PTPRU: variants seen among roughly 807,000 people sequenced by gnomAD.
PTPRU encodes the protein receptor-type tyrosine-protein phosphatase U.
Under a neutral mutation model 166.3 loss-of-function variants are expected in PTPRU, and 69 were observed. The ratio of observed to expected loss-of-function variants is 0.41; its 90% CI spans 0.34 to 0.51. PTPRU has a LOEUF of 0.51. PTPRU is among the 20% of genes least tolerant of loss of function. The probability of loss-of-function intolerance (pLI) is 0.09; values close to 1 mark genes in which losing one functional copy is unlikely to be tolerated. For synonymous variants in PTPRU, 793 were observed against 814.0 expected (o/e 0.97, Z 0.44); for missense variants, 1,657 against 2,013.7 (o/e 0.82, Z 3.39).
rs962732728 is a variant in PTPRU, at chr1:29,320,451, C to T, written c.3688-234C>T. On this transcript the variant is annotated intron_variant, in intron 25 of 29. Transcript: ENST00000373779. This position sits in a 1 kb window ranked among gnomAD's most constrained non-coding sequence, Gnocchi z 5.2. ...CTCGCCATACCTTTGGAAACTTTTG[C>T]TGTTTAGTTCTGGGGGGTCATGGGC... The T allele has an allele frequency of 3.2e-5, 13 of 402,644 alleles. No individual in the cohort carries two copies. The highest frequency in any genetic ancestry group is 8.6e-5 in the Admixed American group (2 of 23,328). 24.9% of individuals were successfully genotyped at this position (402,644 alleles called of 1,614,324 possible).
intron 13 of PTPRU, 112 bp downstream of exon 13, chr1:29,284,088 G>T: frequency 7.3e-7 from 1 of 1,361,304 alleles, no homozygotes; most frequent in Non-Finnish European, 1.0e-6. Flanking sequence ...GGGTGGTTGG[G>T]CAGTCCTGGG....
rs1310482041 is a variant in PTPRU at position 29,282,880 on chromosome 1, C to T, written c.2073C>T (p.Phe691=). The change falls in exon 12 of 30, where the codon TTC becomes TTT. Residue 691 remains phenylalanine, a synonymous_variant. Transcript: ENST00000373779. ...GTGACAACCAGACCTACCGAGGCTT[C>T]TGGAACCCACCACTTGAGCCTAGGA... The part of the protein sequence containing the change: ...TVGDNQTYRG[F]WNPPLEPRKA... 4 of 1,614,006 alleles carry T rather than the reference C, an allele frequency of 2.5e-6. No homozygotes were observed. Among genetic ancestry groups the T allele is most frequent in the Non-Finnish European group, 3.4e-6 (4 of 1,180,002 alleles).
In PTPRU at chr1:29,257,179, AGG is replaced by A. The variant is rs1293162412; in HGVS notation, c.206-1324_206-1323del. Among the ~76,000 whole-genome samples, 2 of 151,726 alleles carry A rather than the reference AGG, an allele frequency of 1.3e-5. No individual in the cohort carries two copies. Among genetic ancestry groups the A allele is most frequent in the Non-Finnish European group, 2.9e-5 (2 of 67,894 alleles). On this transcript the variant is annotated intron_variant, in intron 2 of 29. Coordinates refer to ENST00000373779, the MANE Select transcript of PTPRU (RefSeq NM_133178.4). The surrounding 1 kb of genome is among the most constrained non-coding windows in gnomAD (Gnocchi z 4.6). ...AAAGAACAAAGTGTCAGATTGGAAG[AGG>A]GAGAAAGATGCACACAGCTGCTCGC...
Position 29,284,743 on chromosome 1 carries a change from A to C in PTPRU, c.2192A>C (p.Glu731Ala). ...TTGTTCTCCCCAGCTGCCTGCAAGG[A>C]AAGCAAGCGGCCCCTGGAGGTGTCC... ...IRIARKAACK[E>A]SKRPLEVSQR... The change falls in exon 14 of 30, where the codon GAA becomes GCA. Residue 731 changes from glutamate (E) to alanine (A), a missense_variant. By Grantham distance (107) the Glu-to-Ala change is moderately radical. Coordinates refer to ENST00000373779, the MANE Select transcript of PTPRU (RefSeq NM_133178.4). 1 of 1,614,094 alleles carries C rather than the reference A, an allele frequency of 6.2e-7. No individual in the cohort carries two copies.
chr1:29,250,201 C>T (rs1684488776), intron 1 of PTPRU, among the ~76,000 whole-genome samples: 1 of 152,128 alleles, frequency 6.6e-6, no homozygotes, highest in Non-Finnish European at 1.5e-5. Flanking sequence ...CTCATTCCCT[C>T]TTCCTCACCC....
intron 1 of PTPRU, among the ~76,000 whole-genome samples, chr1:29,249,968 C>T (rs1684477981): frequency 1.3e-5 from 2 of 152,330 alleles, no homozygotes; most frequent in East Asian, 3.9e-4. Flanking sequence ...GTCATAGCTC[C>T]CATGGCTTTA....
intron 2 of PTPRU, among the ~76,000 whole-genome samples, chr1:29,258,295 G>C (rs1268070945): frequency 6.6e-6 from 1 of 152,210 alleles, no homozygotes; most frequent in Non-Finnish European, 1.5e-5. Flanking sequence ...TCAGGTTTGT[G>C]TGTTTTTTAC....
At chr1:29,303,497 G>T (rs947443193) in intron 15 of PTPRU, among the ~76,000 whole-genome samples, 1 of 152,232 alleles carries the variant, frequency 6.6e-6, no homozygotes, top group Admixed American at 6.5e-5. Flanking sequence ...TCTGGAAGAG[G>T]GGGAGGAAGA....
intron 1 of PTPRU, among the ~76,000 whole-genome samples, chr1:29,246,549 G>A (rs1443298087): frequency 1.3e-5 from 2 of 152,186 alleles, no homozygotes; most frequent in Non-Finnish European, 2.9e-5. Context: ...TCACTGTTGG[G>A]TTGTGTGCAC....
At chr1:29,298,641 G>A (rs1326569182) in intron 15 of PTPRU, among the ~76,000 whole-genome samples, 3 of 152,148 alleles carry the variant, frequency 2.0e-5, no homozygotes, top group African/African-American at 7.2e-5. Flanking sequence ...ACTCCTGTGG[G>A]TGCCAGTCGG....
rs962814172 is a variant in PTPRU at position 29,257,141 on chromosome 1, C to CAGG, written c.206-1353_206-1351dup. On this transcript the variant is annotated intron_variant, in intron 2 of 29. Coordinates refer to ENST00000373779, the MANE Select transcript of PTPRU (RefSeq NM_133178.4). This position sits in a 1 kb window ranked among gnomAD's most constrained non-coding sequence, Gnocchi z 4.6. ...TGAGCCGAGGAGGAGGCAGAGGGAGCAGGAGGAGGAGGAAAGAACAAAGTG... is the reference window on the plus strand; with the variant it reads ...TGAGCCGAGGAGGAGGCAGAGGGAGCAGGAGGAGGAGGAGGAAAGAACAAAGTG... 6.6e-6 allele frequency among the ~76,000 whole-genome samples: 1 copy of CAGG among 151,528 alleles called. No individual in the cohort carries two copies. Among genetic ancestry groups the CAGG allele is most frequent in the Non-Finnish European group, 1.5e-5 (1 of 67,874 alleles).
At chr1:29,269,793 T>G (rs1473418681) in intron 7 of PTPRU, among the ~76,000 whole-genome samples, 1 of 152,216 alleles carries the variant, frequency 6.6e-6, no homozygotes, top group Non-Finnish European at 1.5e-5. Flanking sequence ...TTAATTTTTC[T>G]GACTTCTTCA....
intron 22 of PTPRU, among the ~76,000 whole-genome samples, chr1:29,314,358 C>A (rs1187792897): frequency 6.6e-6 from 1 of 152,170 alleles, no homozygotes. Flanking sequence ...TAAGCCCCAC[C>A]AGGGGTATTT....
At position 29,315,605 on chromosome 1, in the gene PTPRU, C is replaced by A. The variant is rs1687868458; in HGVS notation, c.3363+98C>A. The A allele has an allele frequency of 1.3e-6, 2 of 1,528,160 alleles. No individual in the cohort carries two copies. Among genetic ancestry groups the A allele is most frequent in the Non-Finnish European group, 1.8e-6 (2 of 1,116,232 alleles). The allele number at this position is 1,528,160 out of a possible 1,614,324, so 94.7% of individuals were successfully genotyped here. A position where few individuals can be genotyped will look rare whatever the true frequency, so the allele number is the denominator to read the frequency against. ...CGGCAGAGCATGCCCAAAGGGTGTC[C>A]TGAGGCTCTTGCCTTCCCTCAGATC... On this transcript the variant is annotated intron_variant, in intron 23 of 29. Transcript: ENST00000373779. This position sits in a 1 kb window ranked among gnomAD's most constrained non-coding sequence, Gnocchi z 4.5.
At chr1:29,304,706 C>A (rs969978089) in intron 16 of PTPRU, 68 bp from the exon 17 acceptor site, 2 of 1,271,634 alleles carry the variant, frequency 1.6e-6, no homozygotes, top group Non-Finnish European at 2.2e-6. Context: ...ACATCATCCC[C>A]ACTGAGGGGA....
intron 7 of PTPRU, among the ~76,000 whole-genome samples, chr1:29,262,148 C>T (rs750426441): frequency 3.9e-5 from 6 of 152,344 alleles, no homozygotes; most frequent in South Asian, 4.1e-4. Flanking sequence ...CCCTTAAGGA[C>T]TCTTTTATAA....
rs1166778807 is a variant in PTPRU at position 29,260,013 on chromosome 1, C to T, written c.819C>T (p.Gly273=). ...TGTCCCAGGCCCCGCGCGGCGCGGG[C>T]GTCTCTAACTTCGCGGAGCTCATCG... ...RCVSQAPRGA[G]VSNFAELIVK... is the part of the protein sequence containing the mutation. The change falls in exon 6 of 30, where the codon GGC becomes GGT. Residue 273 remains glycine (G), a synonymous_variant. Transcript: ENST00000373779. The surrounding 1 kb of genome is among the most constrained non-coding windows in gnomAD (Gnocchi z 8.3). The T allele has an allele frequency of 6.8e-7, 1 of 1,480,586 alleles. No individual in the cohort carries two copies. Among genetic ancestry groups the T allele is most frequent in the Non-Finnish European group, 8.9e-7 (1 of 1,122,942 alleles). The allele number at this position is 1,480,586 out of a possible 1,614,324, so 91.7% of individuals were successfully genotyped here.
chr1:29,259,724 T>C (rs1384976261), intron 5 of PTPRU, 146 bp from the exon 6 acceptor site: 1 of 1,253,126 alleles, frequency 8.0e-7, no homozygotes, highest in East Asian at 2.6e-5. Context: ...CTTTCTTGGG[T>C]CCCCCATTCC....
At chr1:29,259,600 TGGGA>T in intron 5 of PTPRU, 36 bp downstream of exon 5, 7 of 253,686 alleles carry the variant, frequency 2.8e-5, no homozygotes, top group Non-Finnish European at 5.4e-5. Context: ...GGGGGCGGGG[TGGGA>T]GGGGGTTGGT....
Sources: allele counts gnomAD v4.1 joint callset (sites outside exome capture counted in the v4.1 genomes callset), GRCh38; gene constraint gnomAD v4.1.1; non-coding constraint Gnocchi (gnomAD v3.1); transcripts MANE v1.5; gene names NCBI Gene and HGNC (gene_info 2026-07-23, HGNC 2026-07-21).